The following LRRC4C variants were observed in gnomAD, a reference collection of about 807,000 sequenced individuals.
The protein encoded by LRRC4C is leucine-rich repeat-containing protein 4C.
A neutral mutation model predicts 33.6 loss-of-function variants in LRRC4C; 5 were observed. The observed-to-expected ratio is 0.15, with a 90% CI of 0.08 to 0.31. The LOEUF (loss-of-function observed/expected upper bound fraction) is 0.31. LRRC4C is among the 10% of genes least tolerant of loss of function. The pLI, the probability that LRRC4C is intolerant of heterozygous loss-of-function variation, is 1.00. For synonymous variants in LRRC4C, 329 were observed against 302.0 expected (o/e 1.09, Z -0.93); for missense variants, 560 against 796.7 (o/e 0.70, Z 3.58).
chr11:40,421,407 T>C (rs1423541402), intron 3 of LRRC4C, among the ~76,000 whole-genome samples: 6 of 152,316 alleles, frequency 3.9e-5, no homozygotes, highest in Admixed American at 2.6e-4. Context: ...GCCTTTGTAA[T>C]AGGGCCTCCA....
chr11:40,363,958 C>T (rs1565315554), intron 3 of LRRC4C, among the ~76,000 whole-genome samples: 1 of 152,158 alleles, frequency 6.6e-6, no homozygotes, highest in African/African-American at 2.4e-5. Flanking sequence ...CCAGAAGAAA[C>T]ATCATATTCG....
intron 1 of LRRC4C, among the ~76,000 whole-genome samples, chr11:41,344,345 C>T (rs1252602311): frequency 1.3e-5 from 2 of 151,708 alleles, no homozygotes; most frequent in Non-Finnish European, 2.9e-5. Context: ...TTCAGCCTCC[C>T]GAGTAGCTGG....
intron 1 of LRRC4C, among the ~76,000 whole-genome samples, chr11:41,151,667 G>T (rs530249145): frequency 6.6e-6 from 1 of 152,034 alleles, no homozygotes; most frequent in Non-Finnish European, 1.5e-5. Context: ...TGTCCCTCTG[G>T]CATGTACAGT....
intron 2 of LRRC4C, among the ~76,000 whole-genome samples, chr11:40,764,078 A>C (rs1949344639): frequency 6.6e-6 from 1 of 152,112 alleles, no homozygotes; most frequent in Non-Finnish European, 1.5e-5. Context: ...GGAGAGGAGA[A>C]GGAAGAGTGG....
intron 3 of LRRC4C, among the ~76,000 whole-genome samples, chr11:40,493,065 A>T (rs1404202765): frequency 6.6e-6 from 1 of 151,294 alleles, no homozygotes; most frequent in African/African-American, 2.4e-5. Context: ...TGGTTACCAT[A>T]TTTAATATAT....
intron 3 of LRRC4C, among the ~76,000 whole-genome samples, chr11:40,553,928 G>A (rs1300266219): frequency 1.3e-5 from 2 of 152,056 alleles, no homozygotes; most frequent in East Asian, 3.9e-4. Context: ...TTTTGTGTGT[G>A]TGCAGAAGCT....
intron 5 of LRRC4C, among the ~76,000 whole-genome samples, chr11:40,180,048 G>A (rs1041598817): frequency 1.3e-5 from 2 of 152,144 alleles, no homozygotes; most frequent in African/African-American, 4.8e-5. Context: ...TAAATAAATA[G>A]ATAATTACAC....
intron 2 of LRRC4C, among the ~76,000 whole-genome samples, chr11:40,928,495 G>A (rs1038528104): frequency 6.6e-6 from 1 of 151,728 alleles, no homozygotes; most frequent in Non-Finnish European, 1.5e-5. Flanking sequence ...CAACAATGGA[G>A]GTAATCTATA....
At chr11:41,097,315 T>C (rs986392586) in intron 1 of LRRC4C, among the ~76,000 whole-genome samples, 3 of 152,214 alleles carry the variant, frequency 2.0e-5, no homozygotes, top group Admixed American at 6.5e-5. Context: ...AACTGTGTTG[T>C]TGATTGTCCT....
At chr11:41,134,899 TG>T (rs1182895077) in intron 1 of LRRC4C, among the ~76,000 whole-genome samples, 1 of 152,112 alleles carries the variant, frequency 6.6e-6, no homozygotes, top group African/African-American at 2.4e-5. Context: ...ACAAAATGAA[TG>T]AACACCATGA....
intron 2 of LRRC4C, among the ~76,000 whole-genome samples, chr11:40,885,432 T>C (rs1420106531): frequency 1.3e-5 from 2 of 152,060 alleles, no homozygotes; most frequent in African/African-American, 2.4e-5. Flanking sequence ...CCATTATCCA[T>C]AGCCATCCAT....
intron 2 of LRRC4C, among the ~76,000 whole-genome samples, chr11:40,760,800 T>TACAC (rs796080368): frequency 1.9e-4 from 10 of 52,872 alleles, no homozygotes; most frequent in Non-Finnish European, 2.3e-4. Context: ...TATATATATA[T>TACAC]ACACACACAC....
chr11:41,379,158 G>A (rs891293329), intron 1 of LRRC4C, among the ~76,000 whole-genome samples: 3 of 152,064 alleles, frequency 2.0e-5, no homozygotes, highest in Admixed American at 6.6e-5. Context: ...TCTAAGTGGA[G>A]CTCACCTCTT....
At chr11:40,503,015 G>T (rs915459986) in intron 3 of LRRC4C, among the ~76,000 whole-genome samples, 1 of 152,160 alleles carries the variant, frequency 6.6e-6, no homozygotes, top group African/African-American at 2.4e-5. Flanking sequence ...ACTCAGCTAA[G>T]ATTTCACCTA....
intron 4 of LRRC4C, among the ~76,000 whole-genome samples, chr11:40,308,233 C>A (rs936224132): frequency 6.6e-5 from 10 of 152,226 alleles, no homozygotes; most frequent in Non-Finnish European, 1.0e-4. Context: ...ATGGCAGGTG[C>A]AATTCTCTTT....
At chr11:41,353,281 A>C (rs1237338042) in intron 1 of LRRC4C, among the ~76,000 whole-genome samples, 2 of 152,154 alleles carry the variant, frequency 1.3e-5, no homozygotes, top group Non-Finnish European at 2.9e-5. Flanking sequence ...GAAATGAATA[A>C]ATTCCTGGAA....
At chr11:40,194,107 C>T (rs181515785) in intron 5 of LRRC4C, among the ~76,000 whole-genome samples, 44 of 152,188 alleles carry the variant, frequency 2.9e-4, no homozygotes, top group Middle Eastern at 3.4e-3. Flanking sequence ...ATACAGAGAA[C>T]GCCACAAAGA....
rs536683292 is a variant in LRRC4C at position 40,166,090 on chromosome 11, G to A, written c.-95-25237C>T. On this transcript the variant is annotated intron_variant, in intron 5 of 6. Transcript: ENST00000528697. ...GCCATATGACCCAGCAATTGCTGTCGTAGGTATCTATAACCAGTACAAATG... is the reference window on the plus strand; with the variant it reads ...GCCATATGACCCAGCAATTGCTGTCATAGGTATCTATAACCAGTACAAATG... Among the ~76,000 whole-genome samples, 24 of 152,266 alleles carry A rather than the reference G, an allele frequency of 1.6e-4. No individual in the cohort carries two copies. In the South Asian group the frequency reaches 2.5e-3, roughly 16 times the overall value.
rs149101441 is a variant in LRRC4C at position 41,155,550 on chromosome 11, T to C, written c.-495-221827A>G. Among the ~76,000 whole-genome samples the C allele has an allele frequency of 1.6e-3, 248 of 152,234 alleles. 2 individuals are homozygous for C. Among genetic ancestry groups the C allele is most frequent in the African/African-American group, 5.7e-3 (237 of 41,568 alleles). ...TCCCAAAGCAGTTCTTTGCTCTCCC[T>C]CTTCCAATGATGGACTCATCCGTTG... On this transcript the variant is annotated intron_variant, in intron 1 of 6. Coordinates refer to ENST00000528697, the MANE Select transcript of LRRC4C (RefSeq NM_001258419.2).
Sources: gnomAD v4.1 joint callset for allele counts (sites outside exome capture counted in the v4.1 genomes callset) on GRCh38, gnomAD v4.1.1 for gene constraint, MANE v1.5 for transcripts, NCBI Gene and HGNC (gene_info 2026-07-23, HGNC 2026-07-21) for gene names.